The following RALGAPA2 variants were observed in gnomAD, a reference collection of about 807,000 sequenced individuals.
The protein encoded by RALGAPA2 is ral GTPase-activating protein subunit alpha-2.
Under a neutral mutation model 230.4 loss-of-function variants are expected in RALGAPA2, and 139 were observed. The ratio of observed to expected loss-of-function variants is 0.60; its 90% CI spans 0.53 to 0.69. The LOEUF is 0.69. RALGAPA2 is among the 30% of genes least tolerant of loss of function. RALGAPA2 has a pLI of 0.00. For missense variants in RALGAPA2, 2,163 were observed against 2,276.0 expected (o/e 0.95, Z 1.01); for synonymous variants, 847 against 837.8 (o/e 1.01, Z -0.19).
intron 37 of RALGAPA2, among the ~76,000 whole-genome samples, chr20:20,453,629 C>T (rs2061040068): frequency 6.6e-6 from 1 of 152,228 alleles, no homozygotes; most frequent in Non-Finnish European, 1.5e-5. Flanking sequence ...AGGTCACAGG[C>T]CCTCTGTGGG....
Position 20,712,460 on chromosome 20 carries a change from G to A in RALGAPA2, c.21C>T (p.His7=). Residue 7 remains histidine, a synonymous_variant, in exon 1 of 40, where the codon CAC becomes CAT. Transcript: ENST00000202677. This position sits in a 1 kb window ranked among gnomAD's most constrained non-coding sequence, Gnocchi z 5.5. Reference sequence around the variant, plus strand: ...TCTGGGTGGACTTCTTCACATCCCCGTGGCTCCTTCGGGAGAACATCCCGC... The same window carrying A: ...TCTGGGTGGACTTCTTCACATCCCCATGGCTCCTTCGGGAGAACATCCCGC... The part of the protein sequence containing the change: MFSRRS[H]GDVKKSTQKV... 1 of 1,551,974 alleles carries A rather than the reference G, an allele frequency of 6.4e-7. No homozygotes were observed. The highest frequency in any genetic ancestry group is 8.7e-7 in the Non-Finnish European group (1 of 1,147,482).
chr20:20,648,509 A>G (rs2067291444), intron 4 of RALGAPA2, among the ~76,000 whole-genome samples: 1 of 152,152 alleles, frequency 6.6e-6, no homozygotes, highest in African/African-American at 2.4e-5. Context: ...TTTACTGTGT[A>G]TAAATTGTTA....
At chr20:20,625,772 G>A (rs1352462108) in intron 10 of RALGAPA2, among the ~76,000 whole-genome samples, 1 of 152,076 alleles carries the variant, frequency 6.6e-6, no homozygotes, top group East Asian at 1.9e-4. Flanking sequence ...AAACGCCAAT[G>A]AGAAGACGAG....
chr20:20,405,481 C>T (rs1423892320), intron 38 of RALGAPA2, among the ~76,000 whole-genome samples: 2 of 152,204 alleles, frequency 1.3e-5, no homozygotes, highest in Non-Finnish European at 2.9e-5. Flanking sequence ...GAGATGGTAA[C>T]ATCTGACAGG....
chr20:20,597,779 C>A (rs2065504097), intron 16 of RALGAPA2, among the ~76,000 whole-genome samples: 1 of 152,048 alleles, frequency 6.6e-6, no homozygotes, highest in East Asian at 1.9e-4. Flanking sequence ...GCAGAGGTTG[C>A]AGTGAGCCGA....
At chr20:20,699,688 CAACA>C (rs2069264764) in intron 1 of RALGAPA2, among the ~76,000 whole-genome samples, 1 of 152,066 alleles carries the variant, frequency 6.6e-6, no homozygotes, top group African/African-American at 2.4e-5. Flanking sequence ...TACAAGCGGC[CAACA>C]AACATATAAA....
rs755993399 is a variant in RALGAPA2, at chr20:20,601,674, A to G, written c.2203+8T>C. ...AGATTTTTGAGAAGCATTTAAATAA[A>G]TGTTTACCAGTTGCTTTTTGGCGAA... On this transcript the variant is annotated splice_region_variant and intron_variant, in intron 16 of 39. Transcript: ENST00000202677. 6 of 1,608,662 alleles carry G rather than the reference A, an allele frequency of 3.7e-6. No homozygotes were observed. In the African/African-American group the frequency reaches 8.0e-5, roughly 22 times the overall value.
chr20:20,399,794 G>A (rs1430054581), intron 38 of RALGAPA2, among the ~76,000 whole-genome samples: 4 of 152,240 alleles, frequency 2.6e-5, no homozygotes, highest in African/African-American at 9.6e-5. Context: ...TAGCAAGAGA[G>A]CAAGGCTTTG....
At chr20:20,709,047 G>A (rs1042973144) in intron 1 of RALGAPA2, among the ~76,000 whole-genome samples, 2 of 152,112 alleles carry the variant, frequency 1.3e-5, no homozygotes, top group Non-Finnish European at 2.9e-5. Context: ...GGCCGGACAT[G>A]GTGGCTCACA....
intron 23 of RALGAPA2, among the ~76,000 whole-genome samples, chr20:20,553,556 A>G (rs118187016): frequency 6.6e-6 from 1 of 152,054 alleles, no homozygotes; most frequent in Non-Finnish European, 1.5e-5. Context: ...TATCTTAAAA[A>G]AAAACAAAAC....
chr20:20,401,369 C>T (rs2059832806), intron 38 of RALGAPA2, among the ~76,000 whole-genome samples: 1 of 152,118 alleles, frequency 6.6e-6, no homozygotes, highest in Admixed American at 6.5e-5. Flanking sequence ...TAGATGCCAC[C>T]AGCACCTCTC....
At chr20:20,489,861 T>G (rs2062007233) in intron 36 of RALGAPA2, among the ~76,000 whole-genome samples, 1 of 152,222 alleles carries the variant, frequency 6.6e-6, no homozygotes, top group Non-Finnish European at 1.5e-5. Flanking sequence ...AGGCAGAGAA[T>G]GAGAGCTGCC....
chr20:20,686,089 G>A (rs546234991), intron 1 of RALGAPA2, among the ~76,000 whole-genome samples: 2 of 152,262 alleles, frequency 1.3e-5, no homozygotes, highest in African/African-American at 2.4e-5. Flanking sequence ...CCTTTGTCCA[G>A]CTAAACCTCT....
intron 1 of RALGAPA2, among the ~76,000 whole-genome samples, chr20:20,702,430 G>GGAAT (rs2069419812): frequency 6.6e-6 from 1 of 152,168 alleles, no homozygotes; most frequent in African/African-American, 2.4e-5. Flanking sequence ...AAGGAGAAGG[G>GGAAT]GAATGAAGGA....
At chr20:20,637,677 A>G (rs1315914099) in intron 7 of RALGAPA2, among the ~76,000 whole-genome samples, 176 bp from the exon 8 acceptor site, 2 of 152,246 alleles carry the variant, frequency 1.3e-5, no homozygotes, top group African/African-American at 4.8e-5. Flanking sequence ...AGGAATGAAT[A>G]CTTCAAAACA....
intron 37 of RALGAPA2, among the ~76,000 whole-genome samples, chr20:20,423,985 A>G (rs2060329093): frequency 6.6e-6 from 1 of 152,228 alleles, no homozygotes; most frequent in Non-Finnish European, 1.5e-5. Flanking sequence ...AATGGAAATG[A>G]GAAAAAGATT....
At chr20:20,667,383 A>T (rs1484569813) in intron 3 of RALGAPA2, among the ~76,000 whole-genome samples, 1 of 152,218 alleles carries the variant, frequency 6.6e-6, no homozygotes, top group Non-Finnish European at 1.5e-5. Context: ...CCACTGGTCA[A>T]ATTATGAATC....
At chr20:20,466,581 C>T (rs2061426441) in intron 37 of RALGAPA2, among the ~76,000 whole-genome samples, 1 of 152,172 alleles carries the variant, frequency 6.6e-6, no homozygotes, top group Non-Finnish European at 1.5e-5. Flanking sequence ...TGGTCGAGGT[C>T]CCTTTTAAAA....
intron 26 of RALGAPA2, among the ~76,000 whole-genome samples, chr20:20,533,628 A>T (rs2063424494): frequency 6.6e-6 from 1 of 152,220 alleles, no homozygotes; most frequent in Admixed American, 6.5e-5. Flanking sequence ...GAAGCCCAGT[A>T]GTAAAAAAAT....
Sources: allele counts gnomAD v4.1 joint callset (sites outside exome capture counted in the v4.1 genomes callset), GRCh38; gene constraint gnomAD v4.1.1; non-coding constraint Gnocchi (gnomAD v3.1); transcripts MANE v1.5; gene names NCBI Gene and HGNC (gene_info 2026-07-23, HGNC 2026-07-21).